Variants in ABCC11 observed in about 807,000 individuals in gnomAD.
ABCC11 encodes ATP binding cassette subfamily C member 11, also known as ATP-binding cassette sub-family C member 11.
ABCC11 carries 135 observed loss-of-function variants against 149.3 expected under a neutral mutation model. That is an observed-to-expected ratio of 0.90 (90% confidence interval 0.79 to 1.04). The LOEUF (loss-of-function observed/expected upper bound fraction) is 1.04. Among genes scored for constraint, ABCC11 ranks in the 50% least tolerant of loss-of-function variants. ABCC11 has a pLI of 0.00. For synonymous variants in ABCC11, 665 were observed against 671.4 expected, an observed-to-expected ratio of 0.99 and a Z score of 0.15; for missense variants, 1,680 against 1,722.1, an observed-to-expected ratio of 0.98 and a Z score of 0.43.
chr16:48,188,314 G>C (rs542892687), intron 20 of ABCC11, among the ~76,000 whole-genome samples: 3 of 152,272 alleles, frequency 2.0e-5, no homozygotes, highest in Admixed American at 1.3e-4. Context: ...AACCCTCATG[G>C]ACTAAGCCCC....
At position 48,245,594 on chromosome 16, in the gene ABCC11, T is replaced by G. The variant is rs1971327091; in HGVS notation, c.-19+1720A>C. Reference sequence around the variant, plus strand: ...TGTTTTAGCATTGAAAGTCCTATGTTTTAGCCCCTCCGTCCCAGGGAAACC... The same window carrying G: ...TGTTTTAGCATTGAAAGTCCTATGTGTTAGCCCCTCCGTCCCAGGGAAACC... On this transcript the variant is annotated intron_variant, in intron 1 of 29. Coordinates refer to ENST00000356608, the MANE Select transcript of ABCC11 (RefSeq NM_001370497.1). Among the ~76,000 whole-genome samples, 3 of 152,172 alleles carry G rather than the reference T, an allele frequency of 2.0e-5. No individual in the cohort carries two copies. The South Asian group carries it at 6.2e-4, about 31-fold the overall frequency.
At chr16:48,193,476 G>A (rs1967103928) in intron 19 of ABCC11, among the ~76,000 whole-genome samples, 1 of 152,172 alleles carries the variant, frequency 6.6e-6, no homozygotes, top group African/African-American at 2.4e-5. Context: ...TGTGGGTGGG[G>A]AGATTAGTGA....
At chr16:48,244,337 C>A (rs1971205637) in intron 1 of ABCC11, 2 of 1,338,252 alleles carry the variant, frequency 1.5e-6, no homozygotes, top group African/African-American at 1.5e-5. Context: ...AGGCCGGGGG[C>A]AGCTGTCTGT....
At position 48,203,219 on chromosome 16, in the gene ABCC11, C is replaced by T. The variant is rs1968148519; in HGVS notation, c.1878+9G>A. The T allele has an allele frequency of 6.4e-7, 1 of 1,565,782 alleles. No individual in the cohort carries two copies. Among genetic ancestry groups the T allele is most frequent in the Non-Finnish European group, 8.7e-7 (1 of 1,153,908 alleles). On this transcript the variant is annotated intron_variant, in intron 14 of 29. Transcript: ENST00000356608. ...TTACACAGAGAAGGCAGGCTCGCCT[C>T]CCTCTCACCTCTGTCATGTCTCCAA...
At position 48,214,978 on chromosome 16, in the gene ABCC11, C is replaced by A. The variant is rs1390198337; in HGVS notation, c.1151G>T (p.Ser384Ile). Residue 384 changes from serine (S) to isoleucine (I), a missense_variant, in exon 9 of 30, where the codon AGC (serine) becomes ATC (isoleucine). Physicochemically the swap from Ser to Ile is moderately radical, Grantham distance 142 (BLOSUM62 -2). Transcript: ENST00000356608. ...GATGAACAAGGTTATACTTGTCAGG[C>A]TCTGGACAAGCCCGCACTTCTCCAA... ...KLLEKCGLVQ[S>I]LTSITLFIIP... The A allele has an allele frequency of 5.0e-6, 8 of 1,614,054 alleles. No individual in the cohort carries two copies. In the Admixed American group the frequency reaches 1.2e-4, roughly 24 times the overall value.
Position 48,208,592 on chromosome 16 carries a change from A to G in ABCC11, c.1609-96T>C, listed in dbSNP as rs1183136579. 2.0e-5 allele frequency: 26 copies of G among 1,317,898 alleles called. No individual in the cohort carries two copies. The South Asian group carries it at 2.6e-4, about 13-fold the overall frequency. The allele number at this position is 1,317,898 out of a possible 1,614,324, so 81.6% of individuals were successfully genotyped here. On this transcript the variant is annotated intron_variant, in intron 11 of 29. Transcript: ENST00000356608. Reference sequence around the variant, plus strand: ...TCAACTGTTTAGAACCCAAAACAACACACAGAAAACAAAATAACCACACAG... The same window carrying G: ...TCAACTGTTTAGAACCCAAAACAACGCACAGAAAACAAAATAACCACACAG...
At position 48,187,103 on chromosome 16, in the gene ABCC11, T is replaced by C. The variant is rs773099899; in HGVS notation, c.2934-13A>G. On this transcript the variant is annotated splice_polypyrimidine_tract_variant and intron_variant, in intron 21 of 29. Transcript: ENST00000356608. ...CTTCTTGAACATCCTGCATGGACAG[T>C]GGAGGTAAGGGACCTGGACCGTCCA... is the stretch of plus-strand genomic sequence containing the variant. 6.2e-7 allele frequency: 1 copy of C among 1,614,186 alleles called. No homozygotes were observed. The highest frequency in any genetic ancestry group is 8.5e-7 in the Non-Finnish European group (1 of 1,180,014).
chr16:48,182,024 C>T lies in ABCC11; in HGVS notation c.3258+2416G>A, dbSNP rs558461305. Among the ~76,000 whole-genome samples the T allele has an allele frequency of 1.2e-4, 18 of 152,280 alleles. No individual in the cohort carries two copies. The East Asian group carries it at 2.0e-3, about 17-fold the overall frequency. On this transcript the variant is annotated intron_variant, in intron 23 of 29. Coordinates refer to ENST00000356608, the MANE Select transcript of ABCC11 (RefSeq NM_001370497.1). ...GCATTGCACCAGCTCAGTGGAAGCT[C>T]CCAGTCAGCCCAGCTGTTATTGCAC...
chr16:48,222,600 C>A lies in ABCC11; in HGVS notation c.775G>T (p.Glu259Ter). The change falls in exon 6 of 30, where the codon GAG becomes TAG. Residue 259 changes from glutamate (E) to a stop codon, truncating the protein, a stop_gained and splice_region_variant. Coordinates refer to ENST00000356608, the MANE Select transcript of ABCC11 (RefSeq NM_001370497.1). LOFTEE classifies it high-confidence loss of function. ...FKSVIHITSG[E>*]AISFFTGDVN... Reference sequence around the variant, plus strand: ...AATAGGCAGTCCCAGCTGCTTACCTCTCCTGAGGTGATGTGTATTACAGAC... The same window carrying A: ...AATAGGCAGTCCCAGCTGCTTACCTATCCTGAGGTGATGTGTATTACAGAC... The A allele has an allele frequency of 6.2e-7, 1 of 1,613,744 alleles. No homozygotes were observed. The highest frequency in any genetic ancestry group is 1.1e-5 in the South Asian group (1 of 91,072).
At position 48,218,040 on chromosome 16, in the gene ABCC11, C is replaced by T. The variant is rs188756942; in HGVS notation, c.778-1753G>A. ...GGCTGTGCAAAGTGGCTCACATCTA[C>T]GATCCCAACACTCTGGGAGGCTGAG... On this transcript the variant is annotated intron_variant, in intron 6 of 29. Coordinates refer to ENST00000356608, the MANE Select transcript of ABCC11 (RefSeq NM_001370497.1). 1.7e-3 allele frequency among the ~76,000 whole-genome samples: 261 copies of T among 152,200 alleles called. 1 individual carries two copies. The highest frequency in any genetic ancestry group is 5.6e-3 in the South Asian group (27 of 4,816).
chr16:48,219,169 G>GTTT (rs59995920), intron 6 of ABCC11, among the ~76,000 whole-genome samples: 7 of 134,562 alleles, frequency 5.2e-5, no homozygotes, highest in Non-Finnish European at 9.6e-5. Flanking sequence ...TTGGTTTTGG[G>GTTT]TTTTTTTTTT....
Position 48,243,068 on chromosome 16 carries a change from TA to T in ABCC11, c.-19+4245del, listed in dbSNP as rs201389318. Among the ~76,000 whole-genome samples, 3 of 141,126 alleles carry T rather than the reference TA, an allele frequency of 2.1e-5. No homozygotes were observed. In the East Asian group the frequency reaches 6.0e-4, roughly 28 times the overall value. The allele number at this position is 141,126 out of a possible 152,430, so 92.6% of individuals were successfully genotyped here. A position where few individuals can be genotyped will look rare whatever the true frequency, so the allele number is the denominator to read the frequency against. ...ACTATAATAAAAAATAAAATTAAAT[TA>T]AAAACAGAAAAAAAATAAAAGTATC... On this transcript the variant is annotated intron_variant, in intron 1 of 29. Transcript: ENST00000356608.
At chr16:48,176,239 T>C (rs927874979) in intron 25 of ABCC11, among the ~76,000 whole-genome samples, 1 of 152,004 alleles carries the variant, frequency 6.6e-6, no homozygotes, top group African/African-American at 2.4e-5. Context: ...TCATTATCCA[T>C]GGGGCTGCCT....
intron 19 of ABCC11, 128 bp from the exon 20 acceptor site, chr16:48,192,845 C>A: frequency 1.1e-6 from 1 of 893,462 alleles, no homozygotes; most frequent in Non-Finnish European, 1.8e-6. Flanking sequence ...CCCAAACCTC[C>A]CTGCTCAGCG....
rs1048200499 is a variant in ABCC11 at position 48,214,051 on chromosome 16, C to T, written c.1249-501G>A. On this transcript the variant is annotated intron_variant, in intron 9 of 29. Coordinates refer to ENST00000356608, the MANE Select transcript of ABCC11 (RefSeq NM_001370497.1). ...GCTGCACTGTGACTATAGCAAAACA[C>T]CTTAGGCTCTCAGGACCCAGAAGGT... Among the ~76,000 whole-genome samples, 3 of 152,098 alleles carry T rather than the reference C, an allele frequency of 2.0e-5. No individual in the cohort carries two copies. In the East Asian group the frequency reaches 5.8e-4, roughly 29 times the overall value.
At chr16:48,193,102 T>C (rs879907187) in intron 19 of ABCC11, among the ~76,000 whole-genome samples, 12 of 152,166 alleles carry the variant, frequency 7.9e-5, no homozygotes, top group Non-Finnish European at 1.6e-4. Context: ...CAGTGGCAAC[T>C]GTGGGCAGGA....
At chr16:48,213,938 T>C (rs1257029025) in intron 9 of ABCC11, among the ~76,000 whole-genome samples, 3 of 152,246 alleles carry the variant, frequency 2.0e-5, no homozygotes, top group Admixed American at 2.0e-4. Context: ...CTATTCTTGC[T>C]GTCAAGGTCC....
Position 48,186,460 on chromosome 16 carries a change from A to G in ABCC11, c.3071+493T>C, listed in dbSNP as rs1480502989. Among the ~76,000 whole-genome samples the G allele has an allele frequency of 2.6e-5, 4 of 152,220 alleles. No individual in the cohort carries two copies. The East Asian group carries it at 5.8e-4, about 22-fold the overall frequency. On this transcript the variant is annotated intron_variant, in intron 22 of 29. Coordinates refer to ENST00000356608, the MANE Select transcript of ABCC11 (RefSeq NM_001370497.1). The stretch of plus-strand genomic sequence containing the variant: ...GTGCTTGATTATTCTCTACAAACAG[A>G]TAAGTTCGTGTTACACCATTAAACC...
chr16:48,238,954 A>AAAAC (rs1367799729), intron 1 of ABCC11, among the ~76,000 whole-genome samples: 3 of 150,980 alleles, frequency 2.0e-5, no homozygotes, highest in Non-Finnish European at 3.0e-5. Context: ...AAAAAAAAAA[A>AAAAC]AAAAACCATA....
Sources: allele counts gnomAD v4.1 joint callset (sites outside exome capture counted in the v4.1 genomes callset), GRCh38; gene constraint gnomAD v4.1.1; transcripts MANE v1.5; gene names NCBI Gene and HGNC (gene_info 2026-07-23, HGNC 2026-07-21).